Variants in A1CF observed in about 807,000 individuals in gnomAD.
A1CF encodes the protein APOBEC1 complementation factor, also known as APOBEC-1 stimulating protein.
A neutral mutation model predicts 68.9 loss-of-function variants in A1CF; 48 were observed. That is an observed-to-expected ratio of 0.70 (90% CI 0.55 to 0.89). The LOEUF (loss-of-function observed/expected upper bound fraction) is 0.89, where lower values mean the gene tolerates loss of function less well. Among genes scored for constraint, A1CF ranks in the 40% least tolerant of loss-of-function variants. The pLI is 0.00. For synonymous variants in A1CF, 272 were observed against 260.4 expected (o/e 1.04, Z -0.43); for missense variants, 653 against 718.9 (o/e 0.91, Z 1.05).
At chr10:50,830,068 C>T (rs1460956579) in intron 6 of A1CF, among the ~76,000 whole-genome samples, 1 of 152,114 alleles carries the variant, frequency 6.6e-6, no homozygotes, top group East Asian at 1.9e-4. Flanking sequence ...AAGATCTACT[C>T]TCTTACCAAT....
At chr10:50,848,307 AT>A (rs1840088398) in intron 3 of A1CF, among the ~76,000 whole-genome samples, 1 of 152,222 alleles carries the variant, frequency 6.6e-6, no homozygotes, top group Non-Finnish European at 1.5e-5. Flanking sequence ...AACTTGTCTA[AT>A]ATCACACTGG....
At chr10:50,828,744 A>G (rs980241228) in intron 6 of A1CF, among the ~76,000 whole-genome samples, 6 of 152,176 alleles carry the variant, frequency 3.9e-5, no homozygotes, top group Non-Finnish European at 1.5e-5. Context: ...TGTGTTGTTA[A>G]TTAGGCTAGG....
rs148306221 is a variant in A1CF at position 50,832,145 on chromosome 10, C to A, written c.605-3850G>T. 1.1e-3 allele frequency among the ~76,000 whole-genome samples: 168 copies of A among 152,250 alleles called. 1 individual carries two copies. The highest frequency in any genetic ancestry group is 3.9e-3 in the African/African-American group (161 of 41,564). ...TTATTGAAGCATTATTCACAATTAC[C>A]ATGGTATGGAATCAACCTAAATGTT... is the stretch of plus-strand genomic sequence containing the variant. On this transcript the variant is annotated intron_variant, in intron 6 of 12. Coordinates refer to ENST00000373997, the MANE Select transcript of A1CF (RefSeq NM_014576.4).
intron 6 of A1CF, among the ~76,000 whole-genome samples, chr10:50,829,345 G>T (rs12260236): frequency 0.011 from 1,722 of 152,228 alleles, 26 homozygotes; most frequent in African/African-American, 0.039. Flanking sequence ...TGGAAATCTA[G>T]TTTGTTTTTT....
rs943624945 is a variant in A1CF at position 50,804,327 on chromosome 10, A to G, written c.*2402T>C. The G allele has an allele frequency of 2.0e-5, 3 of 152,156 alleles. No homozygotes were observed. Among genetic ancestry groups the G allele is most frequent in the Non-Finnish European group, 4.4e-5 (3 of 68,004 alleles). The allele number at this position is 152,156 out of a possible 1,614,324, so 9.4% of individuals were successfully genotyped here. ...ATCCAGAATAATGATTTTTTCTCATAAAAAGATTCATGTATTAACTAATCT... is the reference window on the plus strand; with the variant it reads ...ATCCAGAATAATGATTTTTTCTCATGAAAAGATTCATGTATTAACTAATCT... On this transcript the variant is annotated 3_prime_UTR_variant, in exon 13 of 13. Transcript: ENST00000373997.
At position 50,842,472 on chromosome 10, in the gene A1CF, G is replaced by A. The variant is rs567182560; in HGVS notation, c.235-480C>T. Among the ~76,000 whole-genome samples, 54 of 152,292 alleles carry A rather than the reference G, an allele frequency of 3.5e-4. 1 individual carries two copies. The highest frequency in any genetic ancestry group is 3.3e-3 in the South Asian group (16 of 4,826). On this transcript the variant is annotated intron_variant, in intron 4 of 12. Coordinates refer to ENST00000373997, the MANE Select transcript of A1CF (RefSeq NM_014576.4). Reference sequence around the variant, plus strand: ...CAAAAAATACAAAAATTAGCTGAGCGTGGTGGCACGTGCTTGTAGTCCCAG... The same window carrying A: ...CAAAAAATACAAAAATTAGCTGAGCATGGTGGCACGTGCTTGTAGTCCCAG...
rs548518972 is a variant in A1CF, at chr10:50,851,874, A to G, written c.100-7752T>C. 3.3e-5 allele frequency among the ~76,000 whole-genome samples: 5 copies of G among 152,354 alleles called. No individual in the cohort carries two copies. The South Asian group carries it at 1.0e-3, about 32-fold the overall frequency. On this transcript the variant is annotated intron_variant, in intron 3 of 12. Coordinates refer to ENST00000373997, the MANE Select transcript of A1CF (RefSeq NM_014576.4). Reference sequence around the variant, plus strand: ...AGGATCACAGCTGCTGAAATCCTATACAAATTCATGATTGCAAGGAACTGT... The same window carrying G: ...AGGATCACAGCTGCTGAAATCCTATGCAAATTCATGATTGCAAGGAACTGT...
Position 50,809,888 on chromosome 10 carries a change from C to T in A1CF, c.1609+6G>A. The T allele has an allele frequency of 1.9e-6, 3 of 1,613,718 alleles. No homozygotes were observed. Among genetic ancestry groups the T allele is most frequent in the South Asian group, 1.1e-5 (1 of 91,058 alleles). ...GGGCGCCATTTCTGGCACAATTTTCCCATACCTGGGAAAGCAGTAGCAGCA... is the reference window on the plus strand; with the variant it reads ...GGGCGCCATTTCTGGCACAATTTTCTCATACCTGGGAAAGCAGTAGCAGCA... On this transcript the variant is annotated splice_donor_region_variant and intron_variant, in intron 12 of 12. Coordinates refer to ENST00000373997, the MANE Select transcript of A1CF (RefSeq NM_014576.4).
At chr10:50,842,350 C>T (rs1839820577) in intron 4 of A1CF, among the ~76,000 whole-genome samples, 1 of 152,300 alleles carries the variant, frequency 6.6e-6, no homozygotes, top group East Asian at 1.9e-4. Flanking sequence ...GTTTCTTACA[C>T]CTGTAATTCC....
chr10:50,824,959 C>G (rs1838848674), intron 7 of A1CF, among the ~76,000 whole-genome samples: 1 of 152,282 alleles, frequency 6.6e-6, no homozygotes, highest in East Asian at 1.9e-4. Context: ...CCATCATTTG[C>G]AGATTCTAGC....
intron 1 of A1CF, among the ~76,000 whole-genome samples, chr10:50,866,187 A>G (rs1241853791): frequency 6.6e-6 from 1 of 152,216 alleles, no homozygotes; most frequent in Non-Finnish European, 1.5e-5. Context: ...GTTTCTCTGC[A>G]TTTATGAATA....
chr10:50,884,982 C>A (rs1241117190), intron 1 of A1CF, among the ~76,000 whole-genome samples: 1 of 152,060 alleles, frequency 6.6e-6, no homozygotes, highest in South Asian at 2.1e-4. Flanking sequence ...CACTGAAAAC[C>A]AGTCATTTTC....
chr10:50,863,914 C>T (rs1840859921), intron 2 of A1CF, 119 bp downstream of exon 2: 1 of 152,070 alleles, frequency 6.6e-6, no homozygotes, highest in Non-Finnish European at 1.5e-5. Context: ...TGTGATATTC[C>T]AATTACTCTG....
chr10:50,831,810 G>T (rs1470037980), intron 6 of A1CF, among the ~76,000 whole-genome samples: 1 of 152,074 alleles, frequency 6.6e-6, no homozygotes, highest in Non-Finnish European at 1.5e-5. Flanking sequence ...ACAGGTATAT[G>T]AAAAAATGCT....
At chr10:50,864,821 T>A (rs1305766274) in intron 1 of A1CF, among the ~76,000 whole-genome samples, 1 of 152,044 alleles carries the variant, frequency 6.6e-6, no homozygotes, top group Non-Finnish European at 1.5e-5. Context: ...TTTCTCCATG[T>A]TGGTCAGGCT....
rs1837636913 is a variant in A1CF, at chr10:50,802,455, G to T, written c.*4274C>A. ...AAAAATATTTATCCAAAGTTTCCTTGTAGTGCTATGTTAGAAACTTAGTTT... is the reference window on the plus strand; with the variant it reads ...AAAAATATTTATCCAAAGTTTCCTTTTAGTGCTATGTTAGAAACTTAGTTT... On this transcript the variant is annotated 3_prime_UTR_variant, in exon 13 of 13. Coordinates refer to ENST00000373997, the MANE Select transcript of A1CF (RefSeq NM_014576.4). The T allele has an allele frequency of 6.6e-6, 1 of 152,038 alleles. No individual in the cohort carries two copies. Among genetic ancestry groups the T allele is most frequent in the Non-Finnish European group, 1.5e-5 (1 of 68,006 alleles). The allele number at this position is 152,038 out of a possible 1,614,324, so 9.4% of individuals were successfully genotyped here.
In A1CF at chr10:50,806,193, G is replaced by C. The variant is rs1837808997; in HGVS notation, c.*536C>G. On this transcript the variant is annotated 3_prime_UTR_variant, in exon 13 of 13. Transcript: ENST00000373997. ...AGAGAGGTTGAAACCACAAAATCTT[G>C]GACAGTCTTTCATGAGCTCAGGCCT... 1 of 152,220 alleles carries C rather than the reference G, an allele frequency of 6.6e-6. No individual in the cohort carries two copies. Among genetic ancestry groups the C allele is most frequent in the South Asian group, 2.1e-4 (1 of 4,824 alleles). The allele number at this position is 152,220 out of a possible 1,614,324, so 9.4% of individuals were successfully genotyped here. A position where few individuals can be genotyped will look rare whatever the true frequency, so the allele number is the denominator to read the frequency against.
rs940434166 is a variant in A1CF at position 50,806,908 on chromosome 10, T to C, written c.1610-28A>G. 4 of 1,591,474 alleles carry C rather than the reference T, an allele frequency of 2.5e-6. No homozygotes were observed. In the South Asian group the frequency reaches 4.6e-5, roughly 18 times the overall value. On this transcript the variant is annotated intron_variant, in intron 12 of 12. Transcript: ENST00000373997. ...GGAGGAAGAGGCAGAGAAAACTTGATGAAAGGAATTCACATTTGCTCCCTT... is the reference window on the plus strand; with the variant it reads ...GGAGGAAGAGGCAGAGAAAACTTGACGAAAGGAATTCACATTTGCTCCCTT...
At chr10:50,875,851 C>T (rs1841488672) in intron 1 of A1CF, among the ~76,000 whole-genome samples, 1 of 152,186 alleles carries the variant, frequency 6.6e-6, no homozygotes, top group Admixed American at 6.5e-5. Context: ...TAGTATTCTC[C>T]TGCCCCAAAT....
Sources: allele counts gnomAD v4.1 joint callset (sites outside exome capture counted in the v4.1 genomes callset), GRCh38; gene constraint gnomAD v4.1.1; transcripts MANE v1.5; gene names NCBI Gene and HGNC (gene_info 2026-07-23, HGNC 2026-07-21).